R3HCC1L: variants seen among roughly 807,000 people sequenced by gnomAD.
The protein encoded by R3HCC1L is R3H domain and coiled-coil containing 1 like, also known as coiled-coil domain-containing protein R3HCC1L.
Under a neutral mutation model 59.9 loss-of-function variants are expected in R3HCC1L, and 51 were observed. That is an observed-to-expected ratio of 0.85 (90% CI 0.68 to 1.07). R3HCC1L has a LOEUF of 1.07. R3HCC1L is among the 50% of genes least tolerant of loss of function. The pLI is 0.00. For synonymous variants in R3HCC1L, 322 were observed against 315.2 expected (o/e 1.02, Z -0.23); for missense variants, 965 against 933.0 (o/e 1.03, Z -0.45).
chr10:98,235,889 T>C, intron 8 of R3HCC1L, 135 bp from the exon 9 acceptor site: 1 of 1,026,738 alleles, frequency 9.7e-7, no homozygotes, highest in East Asian at 2.5e-5. Flanking sequence ...TCATCATCTA[T>C]CAGACTTGTA....
intron 5 of R3HCC1L, among the ~76,000 whole-genome samples, chr10:98,213,191 C>G (rs1304093426): frequency 6.6e-6 from 1 of 152,118 alleles, no homozygotes; most frequent in African/African-American, 2.4e-5. Context: ...CCCAACCCCT[C>G]GAGGCCTCAT....
At chr10:98,220,920 T>C (rs1449252080) in intron 5 of R3HCC1L, among the ~76,000 whole-genome samples, 5 of 144,130 alleles carry the variant, frequency 3.5e-5, no homozygotes, top group African/African-American at 1.3e-4. Flanking sequence ...GGTCAAATGG[T>C]ATTTCCAGTT....
chr10:98,139,945 C>G (rs987381407), intron 1 of R3HCC1L, among the ~76,000 whole-genome samples: 1 of 151,110 alleles, frequency 6.6e-6, no homozygotes, highest in Admixed American at 6.6e-5. Context: ...TATCTAGTAT[C>G]GTGAGGTTTC....
intron 4 of R3HCC1L, among the ~76,000 whole-genome samples, chr10:98,186,852 C>T (rs1005286478): frequency 6.6e-5 from 10 of 151,954 alleles, no homozygotes; most frequent in Admixed American, 5.2e-4. Flanking sequence ...AAATTTTTTG[C>T]TTTTTTGGGG....
At chr10:98,161,390 G>C (rs549903422) in intron 2 of R3HCC1L, among the ~76,000 whole-genome samples, 9 of 152,106 alleles carry the variant, frequency 5.9e-5, no homozygotes, top group Admixed American at 5.9e-4. Flanking sequence ...TCAGTTGTTA[G>C]GAGTTTTTAA....
At chr10:98,171,128 G>C (rs1035715655) in intron 4 of R3HCC1L, among the ~76,000 whole-genome samples, 1 of 152,178 alleles carries the variant, frequency 6.6e-6, no homozygotes, top group Non-Finnish European at 1.5e-5. Flanking sequence ...GATGAAAACA[G>C]AATGTCTGAG....
intron 5 of R3HCC1L, among the ~76,000 whole-genome samples, chr10:98,221,987 G>A (rs938497161): frequency 8.5e-5 from 13 of 152,224 alleles, no homozygotes; most frequent in African/African-American, 1.9e-4. Context: ...CCATTTTCTC[G>A]ATATTGATTC....
At chr10:98,150,475 G>C (rs777032961) in intron 1 of R3HCC1L, among the ~76,000 whole-genome samples, 1 of 150,762 alleles carries the variant, frequency 6.6e-6, no homozygotes, top group African/African-American at 2.4e-5. Context: ...TTTATTATGT[G>C]TTTGCTTAGT....
intron 1 of R3HCC1L, among the ~76,000 whole-genome samples, chr10:98,135,156 C>A (rs879024812): frequency 1.3e-5 from 2 of 152,208 alleles, no homozygotes; most frequent in African/African-American, 4.8e-5. Flanking sequence ...CCCCGGGCTA[C>A]GGGCTGGGAG....
intron 5 of R3HCC1L, among the ~76,000 whole-genome samples, chr10:98,220,302 T>C (rs1346911781): frequency 6.6e-6 from 1 of 152,114 alleles, no homozygotes; most frequent in Non-Finnish European, 1.5e-5. Flanking sequence ...ATCTGTGTTT[T>C]CTTGTATCTC....
chr10:98,166,054 C>T (rs1847912359), intron 4 of R3HCC1L, among the ~76,000 whole-genome samples: 1 of 152,202 alleles, frequency 6.6e-6, no homozygotes, highest in Admixed American at 6.5e-5. Flanking sequence ...CCTGTAATCC[C>T]AGCTGCTTGG....
At chr10:98,135,640 A>G (rs1351136891) in intron 1 of R3HCC1L, among the ~76,000 whole-genome samples, 1 of 152,198 alleles carries the variant, frequency 6.6e-6, no homozygotes, top group Non-Finnish European at 1.5e-5. Context: ...AGATGTTTTT[A>G]TGCCAGGTTC....
At position 98,208,629 on chromosome 10, in the gene R3HCC1L, A is replaced by G; in HGVS notation, c.515A>G (p.Glu172Gly). Reference protein sequence around the residue: ...LLSQACLEISEAQVPSKPFQN... With the variant: ...LLSQACLEISGAQVPSKPFQN... ...TCACAGGCCTGTTTAGAAATCAGCG[A>G]GGCTCAAGTTCCAAGCAAACCATTC... Residue 172 changes from glutamate to glycine, a missense_variant, in exon 5 of 10, where the codon GAG becomes GGG. Transcript: ENST00000298999. The G allele has an allele frequency of 6.2e-7, 1 of 1,614,150 alleles. No homozygotes were observed. The highest frequency in any genetic ancestry group is 1.3e-5 in the African/African-American group (1 of 75,048).
chr10:98,167,939 A>C (rs1419575186), intron 4 of R3HCC1L, among the ~76,000 whole-genome samples: 1 of 152,210 alleles, frequency 6.6e-6, no homozygotes, highest in Non-Finnish European at 1.5e-5. Context: ...AGAGGAAAAG[A>C]AATCAAGTTT....
At chr10:98,231,816 C>A (rs1340557363) in intron 6 of R3HCC1L, 129 bp downstream of exon 6, 2 of 995,174 alleles carry the variant, frequency 2.0e-6, no homozygotes, top group Non-Finnish European at 2.9e-6. Context: ...GGTTTATTGT[C>A]TTTTCCAGGT....
At chr10:98,222,913 C>G (rs888350095) in intron 5 of R3HCC1L, among the ~76,000 whole-genome samples, 8 of 152,218 alleles carry the variant, frequency 5.3e-5, no homozygotes, top group African/African-American at 1.9e-4. Context: ...ATAAACACCT[C>G]TACGCAAATA....
chr10:98,235,652 G>GA (rs1165477023), intron 8 of R3HCC1L, 132 bp downstream of exon 8: 1 of 771,990 alleles, frequency 1.3e-6, no homozygotes, highest in Non-Finnish European at 2.0e-6. Context: ...ATGTTTTTAA[G>GA]AAAAAATAAA....
rs200162275 is a variant in R3HCC1L, at chr10:98,235,242, T to TG, written c.2033-181dup. ...ACAGGTGGTTGGCTGGATTTGGTCATGGAGCCATAGTTTGCTGATACCTGA... is the reference window on the plus strand; with the variant it reads ...ACAGGTGGTTGGCTGGATTTGGTCATGGGAGCCATAGTTTGCTGATACCTGA... On this transcript the variant is annotated intron_variant, in intron 7 of 9. Coordinates refer to ENST00000298999, the MANE Select transcript of R3HCC1L (RefSeq NM_001351015.2). Among the ~76,000 whole-genome samples the TG allele has an allele frequency of 7.3e-3, 1,117 of 152,330 alleles. 17 individuals are homozygous for TG. Among genetic ancestry groups the TG allele is most frequent in the African/African-American group, 0.025 (1,022 of 41,578 alleles).
intron 5 of R3HCC1L, among the ~76,000 whole-genome samples, chr10:98,210,448 C>T (rs890017455): frequency 6.6e-6 from 1 of 151,994 alleles, no homozygotes; most frequent in Non-Finnish European, 1.5e-5. Flanking sequence ...ATATGCTGGC[C>T]AATTAGAATT....
Sources: gnomAD v4.1 joint callset for allele counts (sites outside exome capture counted in the v4.1 genomes callset) on GRCh38, gnomAD v4.1.1 for gene constraint, MANE v1.5 for transcripts, NCBI Gene and HGNC (gene_info 2026-07-23, HGNC 2026-07-21) for gene names.